The following STAU2 variants were observed in gnomAD, a reference collection of about 807,000 sequenced individuals.
STAU2 encodes double-stranded RNA-binding protein Staufen homolog 2.
A neutral mutation model predicts 65.9 loss-of-function variants in STAU2; 20 were observed. The observed-to-expected ratio is 0.30, with a 90% confidence interval of 0.21 to 0.44. The LOEUF is 0.44. STAU2 is among the 20% of genes least tolerant of loss of function. STAU2 has a pLI of 1.00. For synonymous variants in STAU2, 232 were observed against 233.9 expected, an observed-to-expected ratio of 0.99 and a Z score of 0.07; for missense variants, 558 against 683.9, an observed-to-expected ratio of 0.82 and a Z score of 2.05.
intron 4 of STAU2, among the ~76,000 whole-genome samples, chr8:73,689,613 C>A (rs748174879): frequency 6.6e-6 from 1 of 152,126 alleles, no homozygotes; most frequent in Non-Finnish European, 1.5e-5. Flanking sequence ...TCCATATGAG[C>A]CCCCAAACCT....
At chr8:73,535,226 G>A (rs1051365392) in intron 13 of STAU2, among the ~76,000 whole-genome samples, 1 of 152,042 alleles carries the variant, frequency 6.6e-6, no homozygotes, top group Non-Finnish European at 1.5e-5. Context: ...CTGAAGTGCA[G>A]TGGCGTGATC....
chr8:73,532,698 T>C (rs1346916729), intron 13 of STAU2, among the ~76,000 whole-genome samples: 1 of 152,148 alleles, frequency 6.6e-6, no homozygotes, highest in Non-Finnish European at 1.5e-5. Context: ...TTACCATCTA[T>C]TCTCTCTAAA....
intron 13 of STAU2, among the ~76,000 whole-genome samples, chr8:73,424,975 G>C (rs930237965): frequency 6.6e-6 from 1 of 152,090 alleles, no homozygotes; most frequent in Non-Finnish European, 1.5e-5. Flanking sequence ...GCAGGGAGAA[G>C]GTCAGTGATG....
At chr8:73,503,945 A>G (rs1232655244) in intron 13 of STAU2, among the ~76,000 whole-genome samples, 3 of 152,128 alleles carry the variant, frequency 2.0e-5, no homozygotes, top group African/African-American at 7.2e-5. Context: ...CTGCCCATCA[A>G]AGATATCTGG....
chr8:73,473,462 T>C (rs1172702526), intron 13 of STAU2, among the ~76,000 whole-genome samples: 4 of 152,210 alleles, frequency 2.6e-5, no homozygotes, highest in African/African-American at 7.2e-5. Context: ...CTTAGTCACA[T>C]GGCCTGAATA....
intron 10 of STAU2, among the ~76,000 whole-genome samples, chr8:73,596,840 C>A (rs1036535040): frequency 2.0e-5 from 3 of 151,826 alleles, no homozygotes; most frequent in Non-Finnish European, 2.9e-5. Context: ...CAGAGTAAGA[C>A]CACATCTCTA....
chr8:73,629,100 C>T (rs1813903753), intron 6 of STAU2, among the ~76,000 whole-genome samples: 1 of 152,198 alleles, frequency 6.6e-6, no homozygotes, highest in Non-Finnish European at 1.5e-5. Context: ...CATACATTTG[C>T]ATACAGTTTA....
At chr8:73,563,722 C>T (rs1281878362) in intron 12 of STAU2, among the ~76,000 whole-genome samples, 1 of 151,962 alleles carries the variant, frequency 6.6e-6, no homozygotes, top group Non-Finnish European at 1.5e-5. Flanking sequence ...CTATGTTGCC[C>T]AGGCTGGTCT....
intron 6 of STAU2, among the ~76,000 whole-genome samples, chr8:73,662,855 A>G (rs1275125373): frequency 6.6e-6 from 1 of 152,086 alleles, no homozygotes; most frequent in Non-Finnish European, 1.5e-5. Context: ...ACCTCAGGTA[A>G]TCCACCTGCC....
At chr8:73,608,730 G>A (rs972814516) in intron 9 of STAU2, among the ~76,000 whole-genome samples, 1 of 151,918 alleles carries the variant, frequency 6.6e-6, no homozygotes, top group African/African-American at 2.4e-5. Context: ...AGTGGCTCAC[G>A]CCTGTAATCC....
chr8:73,436,007 A>G (rs1382027428), intron 13 of STAU2, among the ~76,000 whole-genome samples: 1 of 151,734 alleles, frequency 6.6e-6, no homozygotes, highest in Non-Finnish European at 1.5e-5. Flanking sequence ...TTGATATTCG[A>G]CTCCAACAAA....
intron 6 of STAU2, chr8:73,672,055 C>A (rs1380452463): frequency 1.3e-5 from 2 of 151,914 alleles, no homozygotes; most frequent in African/African-American, 4.8e-5. Flanking sequence ...AAAAAAAATT[C>A]TTAAATATAT....
intron 6 of STAU2, among the ~76,000 whole-genome samples, chr8:73,642,698 C>T (rs867763335): frequency 5.3e-5 from 8 of 151,924 alleles, no homozygotes; most frequent in Admixed American, 6.6e-5. Flanking sequence ...TGAAACTAGA[C>T]GGCATAGAGA....
chr8:73,714,989 G>C (rs1249051868), intron 3 of STAU2, among the ~76,000 whole-genome samples: 3 of 150,542 alleles, frequency 2.0e-5, no homozygotes, highest in African/African-American at 7.3e-5. Context: ...GCTGAGGCGA[G>C]AGAATCACTT....
chr8:73,491,505 C>A (rs995837588), intron 13 of STAU2, among the ~76,000 whole-genome samples: 2 of 151,880 alleles, frequency 1.3e-5, no homozygotes, highest in African/African-American at 4.8e-5. Context: ...AGACTTTGCT[C>A]TGGGATTTAT....
intron 13 of STAU2, among the ~76,000 whole-genome samples, chr8:73,488,846 G>C (rs1003129759): frequency 6.6e-6 from 1 of 151,922 alleles, no homozygotes; most frequent in African/African-American, 2.4e-5. Flanking sequence ...ATAATACAAT[G>C]CTTAATAACT....
intron 13 of STAU2, among the ~76,000 whole-genome samples, chr8:73,468,019 A>C (rs1163621954): frequency 6.6e-5 from 10 of 152,254 alleles, no homozygotes; most frequent in Admixed American, 6.5e-4. Context: ...CCAAAAGAAC[A>C]AAGCTGGAGG....
intron 9 of STAU2, among the ~76,000 whole-genome samples, chr8:73,606,458 A>G (rs1387591462): frequency 6.6e-6 from 1 of 152,178 alleles, no homozygotes; most frequent in Admixed American, 6.5e-5. Flanking sequence ...ACACTTCATC[A>G]GGCCTCATGT....
intron 13 of STAU2, among the ~76,000 whole-genome samples, chr8:73,538,976 T>C (rs972122445): frequency 6.6e-6 from 1 of 152,178 alleles, no homozygotes; most frequent in Non-Finnish European, 1.5e-5. Flanking sequence ...CAGGGAACAG[T>C]AACCACATAA....
Sources: gnomAD v4.1 joint callset for allele counts (sites outside exome capture counted in the v4.1 genomes callset) on GRCh38, gnomAD v4.1.1 for gene constraint, MANE v1.5 for transcripts, NCBI Gene and HGNC (gene_info 2026-07-23, HGNC 2026-07-21) for gene names.